Variants in TGFB2 observed in about 807,000 individuals in gnomAD.
TGFB2 encodes the protein transforming growth factor beta-2 proprotein.
Under a neutral mutation model 42.7 loss-of-function variants are expected in TGFB2, and 13 were observed. The observed-to-expected ratio is 0.30, with a 90% CI of 0.20 to 0.48. TGFB2 has a LOEUF of 0.48. TGFB2 is among the 20% of genes least tolerant of loss of function. The pLI, the probability that TGFB2 is intolerant of heterozygous loss-of-function variation, is 0.99. For synonymous variants in TGFB2, 193 were observed against 193.6 expected (o/e 1.00, Z 0.03); for missense variants, 390 against 517.5 (o/e 0.75, Z 2.39).
chr1:218,431,700 G>A (rs2102623728), intron 2 of TGFB2, among the ~76,000 whole-genome samples: 1 of 152,316 alleles, frequency 6.6e-6, no homozygotes, highest in South Asian at 2.1e-4. Flanking sequence ...TTAGCTAGGG[G>A]AAGAATTTAG....
At position 218,418,469 on chromosome 1, in the gene TGFB2, T is replaced by A. The variant is rs531134509; in HGVS notation, c.510+13137T>A. ...ACTTGCTTTTGATTTTATAGGCTCA[T>A]AGGCAGAAGGGACTTGCCTTGTCTC... On this transcript the variant is annotated intron_variant, in intron 2 of 6. Coordinates refer to ENST00000366930, the MANE Select transcript of TGFB2 (RefSeq NM_003238.6). Among the ~76,000 whole-genome samples, 50 of 152,260 alleles carry A rather than the reference T, an allele frequency of 3.3e-4. 1 individual carries two copies. Among genetic ancestry groups the A allele is most frequent in the African/African-American group, 1.1e-3 (47 of 41,474 alleles).
chr1:218,369,321 T>C (rs1449591860), intron 1 of TGFB2, among the ~76,000 whole-genome samples: 1 of 133,016 alleles, frequency 7.5e-6, no homozygotes, highest in African/African-American at 2.9e-5. Flanking sequence ...AAGGTGGAAG[T>C]AGGAAATTCA....
chr1:218,364,762 G>C (rs911546927), intron 1 of TGFB2, among the ~76,000 whole-genome samples: 1 of 152,158 alleles, frequency 6.6e-6, no homozygotes, highest in South Asian at 2.1e-4. Context: ...TCATTCTGTT[G>C]AGAATATACG....
rs1660218235 is a variant in TGFB2, at chr1:218,443,361, T to C, written c.*1999T>C. ...TTGCAGTTTCACCTAAAGAGCAGCA[T>C]AAGGAGGCGGGAATCCAAAGTGAAG... is the stretch of plus-strand genomic sequence containing the variant. On this transcript the variant is annotated 3_prime_UTR_variant, in exon 7 of 7. Coordinates refer to ENST00000366930, the MANE Select transcript of TGFB2 (RefSeq NM_003238.6). The C allele has an allele frequency of 6.6e-6, 1 of 152,210 alleles. No individual in the cohort carries two copies. Among genetic ancestry groups the C allele is most frequent in the Non-Finnish European group, 1.5e-5 (1 of 68,026 alleles). 9.4% of individuals were successfully genotyped at this position (152,210 alleles called of 1,614,324 possible).
chr1:218,436,225 A>G, intron 5 of TGFB2, 78 bp downstream of exon 5: 2 of 1,492,704 alleles, frequency 1.3e-6, no homozygotes, highest in African/African-American at 1.4e-5. Flanking sequence ...TTTACTGTGT[A>G]TTGACCCAAG....
chr1:218,400,209 C>T (rs1166538208), intron 1 of TGFB2, among the ~76,000 whole-genome samples: 1 of 151,040 alleles, frequency 6.6e-6, no homozygotes, highest in African/African-American at 2.4e-5. Context: ...AATATGGGGT[C>T]TCTTGTTCAA....
At chr1:218,432,272 G>A (rs562530190) in intron 2 of TGFB2, among the ~76,000 whole-genome samples, 2 of 152,252 alleles carry the variant, frequency 1.3e-5, no homozygotes, top group East Asian at 3.9e-4. Flanking sequence ...AGAGCGTAGT[G>A]TACCCAGCCC....
chr1:218,358,661 G>A (rs1657115300), intron 1 of TGFB2, among the ~76,000 whole-genome samples: 1 of 148,742 alleles, frequency 6.7e-6, no homozygotes. Context: ...CCATTCTTCT[G>A]CCTCAGCCTC....
chr1:218,380,150 G>A (rs1246149556), intron 1 of TGFB2, among the ~76,000 whole-genome samples: 3 of 152,172 alleles, frequency 2.0e-5, no homozygotes, highest in Non-Finnish European at 4.4e-5. Context: ...TATCAAAGTC[G>A]CTGCCATCGT....
chr1:218,441,556 CA>C lies in TGFB2; in HGVS notation c.*201del. 1 of 479,444 alleles carries C rather than the reference CA, an allele frequency of 2.1e-6. No homozygotes were observed. 29.7% of individuals were successfully genotyped at this position (479,444 alleles called of 1,614,324 possible). A position where few individuals can be genotyped will look rare whatever the true frequency, so the allele number is the denominator to read the frequency against. The stretch of plus-strand genomic sequence containing the variant: ...TGTTTGTTAAAACTGGCATCTGACA[CA>C]AAAAAAGTTGAAGGCCTTATTCTAC... On this transcript the variant is annotated 3_prime_UTR_variant, in exon 7 of 7. Coordinates refer to ENST00000366930, the MANE Select transcript of TGFB2 (RefSeq NM_003238.6).
intron 1 of TGFB2, among the ~76,000 whole-genome samples, chr1:218,370,931 T>G (rs1414679040): frequency 6.6e-6 from 1 of 152,186 alleles, no homozygotes; most frequent in African/African-American, 2.4e-5. Flanking sequence ...ACAGCCAGCA[T>G]TTTGAACAAA....
At chr1:218,350,821 A>C (rs1656846561) in intron 1 of TGFB2, among the ~76,000 whole-genome samples, 1 of 152,102 alleles carries the variant, frequency 6.6e-6, no homozygotes, top group Admixed American at 6.5e-5. Flanking sequence ...CAGAGAAAAA[A>C]GAAGTGAGGA....
At chr1:218,413,333 A>G (rs889463095) in intron 2 of TGFB2, among the ~76,000 whole-genome samples, 1 of 152,024 alleles carries the variant, frequency 6.6e-6, no homozygotes, top group African/African-American at 2.4e-5. Context: ...AGATCACACA[A>G]TCTCTGCCTC....
intron 1 of TGFB2, among the ~76,000 whole-genome samples, chr1:218,368,368 C>A (rs1657456412): frequency 6.7e-6 from 1 of 150,190 alleles, no homozygotes. Flanking sequence ...AACTCCTAAA[C>A]TCAGGTGATC....
chr1:218,441,278 T>C lies in TGFB2; in HGVS notation c.1161T>C (p.Pro387=), dbSNP rs770449051. Residue 387 remains proline (P), a synonymous_variant, in exon 7 of 7, where the codon CCT becomes CCC. Transcript: ENST00000366930. ...SPCCVSQDLE[P]LTILYYIGKT... is the part of the protein sequence containing the mutation. ...GCTGCGTGTCCCAAGATTTAGAACC[T>C]CTAACCATTCTCTACTACATTGGCA... 1 of 1,613,906 alleles carries C rather than the reference T, an allele frequency of 6.2e-7. No individual in the cohort carries two copies. Among genetic ancestry groups the C allele is most frequent in the Non-Finnish European group, 8.5e-7 (1 of 1,179,940 alleles).
intron 2 of TGFB2, among the ~76,000 whole-genome samples, chr1:218,410,855 G>T (rs1158486897): frequency 6.6e-6 from 1 of 152,210 alleles, no homozygotes; most frequent in Non-Finnish European, 1.5e-5. Flanking sequence ...ATGACCAGAA[G>T]TATGAGGTAG....
At chr1:218,389,011 C>T (rs551185966) in intron 1 of TGFB2, among the ~76,000 whole-genome samples, 17 of 152,126 alleles carry the variant, frequency 1.1e-4, no homozygotes, top group Middle Eastern at 3.4e-3. Flanking sequence ...TTCTTGAGCT[C>T]GATGTCAGAA....
At chr1:218,421,053 G>A (rs896500731) in intron 2 of TGFB2, among the ~76,000 whole-genome samples, 4 of 152,158 alleles carry the variant, frequency 2.6e-5, no homozygotes, top group Non-Finnish European at 5.9e-5. Context: ...CATGCAGTGT[G>A]TCGGTGTGGT....
chr1:218,363,809 G>A (rs1657296267), intron 1 of TGFB2, among the ~76,000 whole-genome samples: 1 of 152,080 alleles, frequency 6.6e-6, no homozygotes, highest in African/African-American at 2.4e-5. Context: ...CTATGTTCTT[G>A]TTCTTGACAC....
Sources: gnomAD v4.1 joint callset for allele counts (sites outside exome capture counted in the v4.1 genomes callset) on GRCh38, gnomAD v4.1.1 for gene constraint, MANE v1.5 for transcripts, NCBI Gene and HGNC (gene_info 2026-07-23, HGNC 2026-07-21) for gene names.